The following ST6GALNAC3 variants were observed in gnomAD, a reference collection of about 807,000 sequenced individuals.
The protein encoded by ST6GALNAC3 is alpha-N-acetylgalactosaminide alpha-2,6-sialyltransferase 3.
A neutral mutation model predicts 32.7 loss-of-function variants in ST6GALNAC3; 25 were observed. The observed-to-expected ratio is 0.76, with a 90% CI of 0.56 to 1.07. ST6GALNAC3 has a LOEUF of 1.07. Ranked by LOEUF, ST6GALNAC3 falls within the 50% of genes least tolerant of loss-of-function variation. The probability of loss-of-function intolerance (pLI) is 0.00; values close to 1 mark genes in which losing one functional copy is unlikely to be tolerated. For missense variants in ST6GALNAC3, 355 were observed against 382.4 expected (o/e 0.93, Z 0.60); for synonymous variants, 129 against 133.1 (o/e 0.97, Z 0.21).
intron 3 of ST6GALNAC3, among the ~76,000 whole-genome samples, chr1:76,449,566 A>G (rs1191919937): frequency 1.3e-5 from 2 of 152,212 alleles, no homozygotes; most frequent in Non-Finnish European, 2.9e-5. Context: ...CATCCTCACC[A>G]GCATTTGATG....
chr1:76,233,020 T>G (rs1299112705), intron 1 of ST6GALNAC3, among the ~76,000 whole-genome samples: 1 of 152,166 alleles, frequency 6.6e-6, no homozygotes, highest in Non-Finnish European at 1.5e-5. Flanking sequence ...AATGCCTGCC[T>G]TACAGGACTG....
intron 3 of ST6GALNAC3, among the ~76,000 whole-genome samples, chr1:76,607,160 T>C (rs1192046432): frequency 6.6e-6 from 1 of 152,172 alleles, no homozygotes; most frequent in Non-Finnish European, 1.5e-5. Flanking sequence ...CTATAAAGGA[T>C]ACAACTCAGG....
chr1:76,378,023 A>T (rs1651374807), intron 2 of ST6GALNAC3, among the ~76,000 whole-genome samples: 1 of 152,144 alleles, frequency 6.6e-6, no homozygotes, highest in Non-Finnish European at 1.5e-5. Context: ...GTTTCTTTCC[A>T]CTAAGGATAG....
intron 3 of ST6GALNAC3, among the ~76,000 whole-genome samples, chr1:76,556,481 C>G (rs563971379): frequency 5.9e-5 from 9 of 151,982 alleles, no homozygotes; most frequent in Non-Finnish European, 1.2e-4. Context: ...AGTAGCTGTA[C>G]CAGTTTACAT....
intron 1 of ST6GALNAC3, among the ~76,000 whole-genome samples, chr1:76,080,409 G>T (rs1646877245): frequency 6.6e-6 from 1 of 152,014 alleles, no homozygotes; most frequent in Non-Finnish European, 1.5e-5. Flanking sequence ...GCAGATTAGA[G>T]CTTGTTGATT....
At position 76,142,573 on chromosome 1, in the gene ST6GALNAC3, G is replaced by C. The variant is rs181273843; in HGVS notation, c.18+67689G>C. On this transcript the variant is annotated intron_variant, in intron 1 of 4. Transcript: ENST00000328299. ...CACAGTGTGGCTCCTGACTGGGCAG[G>C]GAGGAAGAATCTGCTGCTAGAGAAA... Among the ~76,000 whole-genome samples the C allele has an allele frequency of 2.6e-5, 4 of 152,294 alleles. No individual in the cohort carries two copies. The East Asian group carries it at 7.7e-4, about 29-fold the overall frequency.
chr1:76,382,660 T>C (rs1053619020), intron 2 of ST6GALNAC3, among the ~76,000 whole-genome samples: 21 of 152,204 alleles, frequency 1.4e-4, no homozygotes, highest in African/African-American at 5.1e-4. Context: ...TGTTCATAAA[T>C]GTTTATAGCA....
At chr1:76,322,654 C>T (rs535862933) in intron 2 of ST6GALNAC3, among the ~76,000 whole-genome samples, 13 of 152,250 alleles carry the variant, frequency 8.5e-5, no homozygotes, top group African/African-American at 3.1e-4. Context: ...AGTAGCCTTA[C>T]AAAGCCTTAT....
At chr1:76,445,589 G>C (rs940079148) in intron 3 of ST6GALNAC3, among the ~76,000 whole-genome samples, 1 of 152,100 alleles carries the variant, frequency 6.6e-6, no homozygotes, top group East Asian at 1.9e-4. Flanking sequence ...ATTGTGACAT[G>C]CTTTTATTTT....
intron 1 of ST6GALNAC3, among the ~76,000 whole-genome samples, chr1:76,247,347 C>T (rs1657324746): frequency 6.6e-6 from 1 of 152,140 alleles, no homozygotes; most frequent in Non-Finnish European, 1.5e-5. Flanking sequence ...GAAAATCCTC[C>T]TTGTCAGGAT....
At chr1:76,476,945 T>G (rs1251498551) in intron 3 of ST6GALNAC3, among the ~76,000 whole-genome samples, 1 of 152,152 alleles carries the variant, frequency 6.6e-6, no homozygotes, top group Non-Finnish European at 1.5e-5. Context: ...GCCTGTGTTG[T>G]GCCTTGGCAT....
At chr1:76,237,744 T>A (rs1449188242) in intron 1 of ST6GALNAC3, among the ~76,000 whole-genome samples, 1 of 152,040 alleles carries the variant, frequency 6.6e-6, no homozygotes, top group Non-Finnish European at 1.5e-5. Context: ...AGAAAAAAAA[T>A]ATTTCTGGAG....
chr1:76,185,006 T>C (rs1452593167), intron 1 of ST6GALNAC3, among the ~76,000 whole-genome samples: 1 of 152,192 alleles, frequency 6.6e-6, no homozygotes, highest in Non-Finnish European at 1.5e-5. Context: ...CTGTCCTAGT[T>C]ATTTTAAAGG....
At chr1:76,122,040 T>C (rs1043891541) in intron 1 of ST6GALNAC3, among the ~76,000 whole-genome samples, 4 of 152,198 alleles carry the variant, frequency 2.6e-5, no homozygotes, top group Admixed American at 6.5e-5. Flanking sequence ...CATGTCACCC[T>C]GCCTGACCTG....
At chr1:76,340,437 A>G (rs2100988869) in intron 2 of ST6GALNAC3, among the ~76,000 whole-genome samples, 1 of 152,288 alleles carries the variant, frequency 6.6e-6, no homozygotes, top group South Asian at 2.1e-4. Context: ...CCAAGGTGCC[A>G]AAGGGGGCCC....
chr1:76,477,875 A>G (rs192178343), intron 3 of ST6GALNAC3, among the ~76,000 whole-genome samples: 1 of 152,322 alleles, frequency 6.6e-6, no homozygotes, highest in African/African-American at 2.4e-5. Flanking sequence ...ACTTGCTCTG[A>G]AGAGGTGCCT....
At chr1:76,408,109 G>A (rs1220871423) in intron 2 of ST6GALNAC3, among the ~76,000 whole-genome samples, 1 of 152,012 alleles carries the variant, frequency 6.6e-6, no homozygotes, top group Non-Finnish European at 1.5e-5. Context: ...AGTCCCTTGG[G>A]CTTTGCAAGC....
At chr1:76,193,398 T>C (rs1309804313) in intron 1 of ST6GALNAC3, among the ~76,000 whole-genome samples, 1 of 152,192 alleles carries the variant, frequency 6.6e-6, no homozygotes, top group Non-Finnish European at 1.5e-5. Context: ...TTACCATAAG[T>C]ACCAACTCAC....
chr1:76,390,360 G>A (rs1441985029), intron 2 of ST6GALNAC3, among the ~76,000 whole-genome samples: 1 of 152,032 alleles, frequency 6.6e-6, no homozygotes, highest in Non-Finnish European at 1.5e-5. Flanking sequence ...CCAGTAAGAC[G>A]GGCTTTGATG....
Sources: gnomAD v4.1 joint callset for allele counts (sites outside exome capture counted in the v4.1 genomes callset) on GRCh38, gnomAD v4.1.1 for gene constraint, MANE v1.5 for transcripts, NCBI Gene and HGNC (gene_info 2026-07-23, HGNC 2026-07-21) for gene names.